Variants in ZNF469 observed in about 807,000 individuals in gnomAD.
ZNF469 encodes the protein zinc finger protein 469.
A neutral mutation model predicts 1.0 loss-of-function variants in ZNF469; 1 was observed. The observed-to-expected ratio is 1.00, with a 90% CI of 0.35 to 4.73. The LOEUF (loss-of-function observed/expected upper bound fraction) is 4.73. ZNF469 is among the 30% of genes most tolerant of loss of function. The pLI is 0.16. For missense variants in ZNF469, 6,100 were observed against 5,356.3 expected, an observed-to-expected ratio of 1.14 and a Z score of -4.33; for synonymous variants, 2,703 against 2,363.4, an observed-to-expected ratio of 1.14 and a Z score of -4.17.
chr16:88,216,246 A>C, the ZNF469 span, among the ~76,000 whole-genome samples: 1 of 152,204 alleles, frequency 6.6e-6, no homozygotes, highest in Non-Finnish European at 1.5e-5. Context: ...CTGTAATCCC[A>C]GCACTTTGGG....
the ZNF469 span, among the ~76,000 whole-genome samples, chr16:88,152,435 G>A: frequency 2.6e-5 from 4 of 152,256 alleles, no homozygotes; most frequent in East Asian, 1.9e-4. This position sits in a 1 kb window ranked among gnomAD's most constrained non-coding sequence, Gnocchi z 4.2. Flanking sequence ...GGCTGGGGCC[G>A]GGGCCTCGGC....
chr16:88,103,855 G>C, the ZNF469 span, among the ~76,000 whole-genome samples: 5 of 150,718 alleles, frequency 3.3e-5, no homozygotes, highest in African/African-American at 1.2e-4. Context: ...TGGCACGGAG[G>C]GGGTGGAATG....
intron 1 of ZNF469, among the ~76,000 whole-genome samples, chr16:88,412,270 C>G (rs551459402): frequency 6.6e-6 from 1 of 152,364 alleles, no homozygotes; most frequent in South Asian, 2.1e-4. Flanking sequence ...CTCTGCGCAG[C>G]CTCAGACACA....
At chr16:88,186,170 G>A in the ZNF469 span, among the ~76,000 whole-genome samples, 1 of 152,214 alleles carries the variant, frequency 6.6e-6, no homozygotes, top group African/African-American at 2.4e-5. Flanking sequence ...CGTCCACAAG[G>A]TGGGTGTGGG....
intron 1 of ZNF469, among the ~76,000 whole-genome samples, chr16:88,420,290 G>T (rs1365057783): frequency 3.3e-5 from 5 of 152,212 alleles, no homozygotes; most frequent in Non-Finnish European, 1.5e-5. Context: ...CCAGGAGAAT[G>T]AAGCCTACCC....
the ZNF469 span, among the ~76,000 whole-genome samples, chr16:88,228,876 G>T: frequency 6.6e-6 from 1 of 152,188 alleles, no homozygotes; most frequent in Non-Finnish European, 1.5e-5. Flanking sequence ...GGCTCCCAGT[G>T]TCTGGGTGGA....
chr16:88,439,346 G>C lies in ZNF469; in HGVS notation c.*14G>C. 3 of 1,550,154 alleles carry C rather than the reference G, an allele frequency of 1.9e-6. No individual in the cohort carries two copies. In the South Asian group the frequency reaches 3.6e-5, roughly 18 times the overall value. ...GCTTCCGAGTAATTTCTAGGAGCAA[G>C]AGCCTGGGACCGGAGCTGGGCGTTC... On this transcript the variant is annotated 3_prime_UTR_variant, in exon 3 of 3. Transcript: ENST00000565624.
chr16:88,399,986 C>T (rs1314914833), intron 1 of ZNF469, among the ~76,000 whole-genome samples: 1 of 152,252 alleles, frequency 6.6e-6, no homozygotes, highest in Non-Finnish European at 1.5e-5. Flanking sequence ...TGGGCCTGGA[C>T]TCCTCATTGG....
the ZNF469 span, among the ~76,000 whole-genome samples, chr16:88,261,868 C>G: frequency 6.6e-6 from 1 of 152,144 alleles, no homozygotes; most frequent in Admixed American, 6.5e-5. The surrounding 1 kb of genome is among the most constrained non-coding windows in gnomAD (Gnocchi z 6.0). Context: ...GCTGGTGGCA[C>G]AGAGGGCTTC....
the ZNF469 span, among the ~76,000 whole-genome samples, chr16:88,345,299 C>G: frequency 1.3e-5 from 2 of 152,250 alleles, no homozygotes; most frequent in African/African-American, 2.4e-5. Flanking sequence ...TGGCAACAAG[C>G]TGCCACCACA....
the ZNF469 span, among the ~76,000 whole-genome samples, chr16:88,292,900 C>G: frequency 6.6e-6 from 1 of 152,046 alleles, no homozygotes; most frequent in Non-Finnish European, 1.5e-5. Context: ...GACACTGGTC[C>G]GCTAGACAGT....
At chr16:88,378,180 C>G (rs1486432530), upstream of ZNF469, among the ~76,000 whole-genome samples, 1 of 152,142 alleles carries the variant, frequency 6.6e-6, no homozygotes, top group Admixed American at 6.5e-5. Flanking sequence ...GATGTCATCT[C>G]CCAGATGAGC....
the ZNF469 span, among the ~76,000 whole-genome samples, chr16:88,354,735 G>C: frequency 1.3e-5 from 2 of 152,196 alleles, no homozygotes; most frequent in Admixed American, 1.3e-4. Context: ...CTCCCAAGCG[G>C]ACCAGGCTCC....
chr16:88,130,876 A>G, the ZNF469 span, among the ~76,000 whole-genome samples: 1 of 152,180 alleles, frequency 6.6e-6, no homozygotes, highest in African/African-American at 2.4e-5. Context: ...GCGCGTGGGA[A>G]GGCCCCGCGG....
chr16:88,331,809 T>C, the ZNF469 span, among the ~76,000 whole-genome samples: 1 of 141,002 alleles, frequency 7.1e-6, no homozygotes, highest in African/African-American at 2.6e-5. Flanking sequence ...ATCATTCTCA[T>C]CACCACCATC....
At chr16:88,398,448 GAC>G (rs1215204907) in intron 1 of ZNF469, among the ~76,000 whole-genome samples, 27 of 151,352 alleles carry the variant, frequency 1.8e-4, no homozygotes, top group South Asian at 2.1e-4. Context: ...GGACATGTGA[GAC>G]ATGGTTAAAG....
chr16:88,252,148 G>C, the ZNF469 span, among the ~76,000 whole-genome samples: 2 of 135,330 alleles, frequency 1.5e-5, no homozygotes, highest in Non-Finnish European at 3.4e-5. Context: ...GCAGCACACA[G>C]ACCTTGCCCT....
chr16:88,351,965 C>T, the ZNF469 span, among the ~76,000 whole-genome samples: 2 of 152,206 alleles, frequency 1.3e-5, no homozygotes, highest in Non-Finnish European at 1.5e-5. Context: ...GGCCCCTCCG[C>T]CCCGAGGAGA....
At chr16:88,150,934 G>A in the ZNF469 span, among the ~76,000 whole-genome samples, 5 of 152,166 alleles carry the variant, frequency 3.3e-5, no homozygotes, top group Admixed American at 3.3e-4. Context: ...AATTCCTCAG[G>A]CCCGGGGAAG....
Sources: gnomAD v4.1 joint callset for allele counts (sites outside exome capture counted in the v4.1 genomes callset) on GRCh38, gnomAD v4.1.1 for gene constraint, Gnocchi (gnomAD v3.1) non-coding constraint, MANE v1.5 for transcripts, NCBI Gene and HGNC (gene_info 2026-07-23, HGNC 2026-07-21) for gene names.